Variants in NRXN1 observed in about 807,000 individuals in gnomAD.
The protein encoded by NRXN1 is neurexin-1.
A neutral mutation model predicts 150.9 loss-of-function variants in NRXN1; 39 were observed. The observed-to-expected ratio is 0.26, with a 90% CI of 0.20 to 0.34. NRXN1 has a LOEUF of 0.34. NRXN1 is among the 10% of genes least tolerant of loss of function. NRXN1 has a pLI of 1.00. For missense variants in NRXN1, 1,815 were observed against 1,949.9 expected (o/e 0.93, Z 1.30); for synonymous variants, 924 against 757.0 (o/e 1.22, Z -3.62).
At chr2:50,635,224 C>T (rs1048286213) in intron 5 of NRXN1, among the ~76,000 whole-genome samples, 2 of 151,598 alleles carry the variant, frequency 1.3e-5, no homozygotes, top group African/African-American at 4.8e-5. Context: ...GTGGCGCGAT[C>T]TCAGCTCACT....
At chr2:50,365,091 T>C (rs2079494615) in intron 17 of NRXN1, among the ~76,000 whole-genome samples, 1 of 152,114 alleles carries the variant, frequency 6.6e-6, no homozygotes, top group Non-Finnish European at 1.5e-5. Context: ...AGGGAAGAAT[T>C]TGAACTGATA....
At chr2:50,034,149 C>A (rs781646737) in intron 21 of NRXN1, among the ~76,000 whole-genome samples, 7 of 151,944 alleles carry the variant, frequency 4.6e-5, no homozygotes, top group African/African-American at 7.3e-5. Context: ...TGAGTATATA[C>A]CCAAAGGAAT....
At chr2:50,196,771 G>C (rs1284989729) in intron 18 of NRXN1, among the ~76,000 whole-genome samples, 1 of 152,174 alleles carries the variant, frequency 6.6e-6, no homozygotes, top group African/African-American at 2.4e-5. Flanking sequence ...TATGGATGGA[G>C]CTAGAGGCCA....
intron 5 of NRXN1, among the ~76,000 whole-genome samples, chr2:50,843,495 C>A (rs1287497721): frequency 6.6e-6 from 1 of 152,150 alleles, no homozygotes; most frequent in Non-Finnish European, 1.5e-5. Flanking sequence ...GGACTTTAGA[C>A]TTTTCCCCTA....
intron 12 of NRXN1, among the ~76,000 whole-genome samples, chr2:50,522,720 A>ATTTTTTTTTTTTTTTTT (rs869200431): frequency 2.1e-5 from 1 of 47,726 alleles, no homozygotes. Flanking sequence ...ATTTTTATTC[A>ATTTTTTTTTTTTTTTTT]TTTTTTTTTT....
chr2:50,351,106 CTT>C (rs1274455507), intron 17 of NRXN1, among the ~76,000 whole-genome samples: 17 of 152,184 alleles, frequency 1.1e-4, no homozygotes. Flanking sequence ...ATTTGTGTCT[CTT>C]CAGCTACTCA....
chr2:50,613,523 T>C (rs1678529362), intron 8 of NRXN1, among the ~76,000 whole-genome samples: 1 of 152,202 alleles, frequency 6.6e-6, no homozygotes, highest in Admixed American at 6.5e-5. Context: ...AGTCCACTGG[T>C]CAAAAATTGA....
intron 21 of NRXN1, among the ~76,000 whole-genome samples, chr2:50,041,515 G>A (rs1184443087): frequency 1.3e-5 from 2 of 152,060 alleles, no homozygotes; most frequent in Admixed American, 1.3e-4. Context: ...CCCCCTAACT[G>A]GCTGAAGACA....
Position 50,513,128 on chromosome 2 carries a change from G to T in NRXN1, c.2375-6511C>A, listed in dbSNP as rs76501707. On this transcript the variant is annotated intron_variant, in intron 12 of 22. Transcript: ENST00000401669. ...AATGCCTACCTTATTTCATAGATTT[G>T]TTGTAAGGACTAAGGGATATAACAA... is the stretch of plus-strand genomic sequence containing the variant. Among the ~76,000 whole-genome samples, 760 of 152,234 alleles carry T rather than the reference G, an allele frequency of 5.0e-3. 4 individuals are homozygous for T. The highest frequency in any genetic ancestry group is 9.0e-3 in the Non-Finnish European group (614 of 68,004).
At chr2:50,416,129 G>A (rs910349435) in intron 17 of NRXN1, among the ~76,000 whole-genome samples, 1 of 151,988 alleles carries the variant, frequency 6.6e-6, no homozygotes, top group Non-Finnish European at 1.5e-5. Flanking sequence ...AGACAGATGG[G>A]CAATAAACAG....
At chr2:50,140,406 T>C (rs1389625518) in intron 18 of NRXN1, among the ~76,000 whole-genome samples, 3 of 152,192 alleles carry the variant, frequency 2.0e-5, no homozygotes, top group African/African-American at 7.2e-5. Flanking sequence ...AACTTCAGGA[T>C]GTTCCTAGAT....
intron 17 of NRXN1, among the ~76,000 whole-genome samples, chr2:50,345,314 T>G (rs2077864394): frequency 6.6e-6 from 1 of 152,126 alleles, no homozygotes; most frequent in African/African-American, 2.4e-5. Context: ...GTTTTTCATA[T>G]CTAACCAGAA....
chr2:50,628,346 C>A (rs1681563798), intron 5 of NRXN1, among the ~76,000 whole-genome samples: 1 of 151,438 alleles, frequency 6.6e-6, no homozygotes, highest in Non-Finnish European at 1.5e-5. Flanking sequence ...TTAAGTAATT[C>A]AAATTTACAT....
At chr2:50,734,851 T>A (rs766210784) in intron 5 of NRXN1, among the ~76,000 whole-genome samples, 15 of 152,034 alleles carry the variant, frequency 9.9e-5, no homozygotes, top group Admixed American at 2.6e-4. Context: ...AATAAATAAA[T>A]CCAGAGAATG....
At chr2:50,598,386 C>T (rs1163974146) in intron 8 of NRXN1, among the ~76,000 whole-genome samples, 1 of 151,382 alleles carries the variant, frequency 6.6e-6, no homozygotes, top group Non-Finnish European at 1.5e-5. Flanking sequence ...TTCCTTGAGC[C>T]TCCTCTATAA....
intron 21 of NRXN1, among the ~76,000 whole-genome samples, chr2:49,977,309 G>T (rs1445854290): frequency 6.6e-6 from 1 of 152,096 alleles, no homozygotes; most frequent in African/African-American, 2.4e-5. Context: ...GACAATGTTT[G>T]GTGACATTTC....
intron 5 of NRXN1, among the ~76,000 whole-genome samples, chr2:50,760,658 C>T (rs1701701421): frequency 6.6e-6 from 1 of 151,644 alleles, no homozygotes; most frequent in African/African-American, 2.4e-5. Flanking sequence ...AATCTCTGAT[C>T]CCAACACCTT....
At chr2:50,541,135 C>T (rs181403978) in intron 9 of NRXN1, among the ~76,000 whole-genome samples, 1 of 152,222 alleles carries the variant, frequency 6.6e-6, no homozygotes, top group Non-Finnish European at 1.5e-5. Flanking sequence ...GGAACAATGA[C>T]AAATTATTCC....
intron 5 of NRXN1, among the ~76,000 whole-genome samples, chr2:50,921,637 G>C (rs1477500200): frequency 6.6e-6 from 1 of 151,624 alleles, no homozygotes; most frequent in East Asian, 2.0e-4. Context: ...TATTAATTAT[G>C]TGAGCACCTG....
Sources: allele counts gnomAD v4.1 joint callset (sites outside exome capture counted in the v4.1 genomes callset), GRCh38; gene constraint gnomAD v4.1.1; transcripts MANE v1.5; gene names NCBI Gene and HGNC (gene_info 2026-07-23, HGNC 2026-07-21).